NFASC: variants seen among roughly 807,000 people sequenced by gnomAD.
NFASC encodes neurofascin.
In NFASC, 43 loss-of-function variants were observed where a neutral mutation model predicts 147.5. The ratio of observed to expected loss-of-function variants is 0.29; its 90% CI spans 0.23 to 0.38. NFASC has a LOEUF of 0.38. Ranked by LOEUF, NFASC falls within the 10% of genes least tolerant of loss-of-function variation. The pLI is 1.00. For missense variants in NFASC, 1,320 were observed against 1,689.0 expected (o/e 0.78, Z 3.83); for synonymous variants, 622 against 665.5 (o/e 0.93, Z 1.01).
At chr1:204,917,988 CAT>C (rs992915536) in intron 1 of NFASC, among the ~76,000 whole-genome samples, 32 of 152,278 alleles carry the variant, frequency 2.1e-4, no homozygotes, top group African/African-American at 7.0e-4. Flanking sequence ...TAACCTAAAA[CAT>C]ATGAAGGACA....
chr1:204,848,201 T>C (rs1442874668), intron 1 of NFASC, among the ~76,000 whole-genome samples: 1 of 152,162 alleles, frequency 6.6e-6, no homozygotes, highest in Admixed American at 6.5e-5. Flanking sequence ...GCCCAGTGAG[T>C]TAGATGCAGT....
intron 20 of NFASC, 119 bp downstream of exon 20, chr1:204,980,559 C>A: frequency 1.3e-6 from 1 of 748,674 alleles, no homozygotes; most frequent in South Asian, 1.8e-5. Flanking sequence ...TCTGGCTGGT[C>A]TTGGTGGCCA....
intron 1 of NFASC, among the ~76,000 whole-genome samples, chr1:204,845,385 G>A (rs1676704594): frequency 6.6e-6 from 1 of 151,150 alleles, no homozygotes; most frequent in Non-Finnish European, 1.5e-5. Flanking sequence ...TTGAACCTGG[G>A]AGGCGGAGGT....
chr1:204,994,985 G>T lies in NFASC; in HGVS notation c.2783-2185G>T, dbSNP rs368931056. Among the ~76,000 whole-genome samples, 65 of 152,094 alleles carry T rather than the reference G, an allele frequency of 4.3e-4. 1 individual carries two copies. Among genetic ancestry groups the T allele is most frequent in the African/African-American group, 1.6e-3 (65 of 41,480 alleles). ...CAAATTAGCCAAGCATGGTGGACCT[G>T]TAGCTGGACCTATAGTCCCAGCTAC... On this transcript the variant is annotated intron_variant, in intron 24 of 29. Coordinates refer to ENST00000339876, the MANE Select transcript of NFASC (RefSeq NM_001005388.3).
At chr1:204,965,341 C>T (rs2094886792) in intron 8 of NFASC, among the ~76,000 whole-genome samples, 1 of 152,124 alleles carries the variant, frequency 6.6e-6, no homozygotes, top group African/African-American at 2.4e-5. Flanking sequence ...AATTAGGCAC[C>T]CTCTTTGAGA....
At chr1:204,848,707 T>A (rs2075391934) in intron 1 of NFASC, among the ~76,000 whole-genome samples, 1 of 152,254 alleles carries the variant, frequency 6.6e-6, no homozygotes, top group South Asian at 2.1e-4. Flanking sequence ...CTGTTGGTCT[T>A]CTAATTTGAG....
At chr1:204,836,757 A>G (rs1468300167) in intron 1 of NFASC, among the ~76,000 whole-genome samples, 1 of 152,274 alleles carries the variant, frequency 6.6e-6, no homozygotes, top group Non-Finnish European at 1.5e-5. Flanking sequence ...AGGTCAGGGC[A>G]GAAACTGGAT....
At chr1:205,001,801 C>T (rs2095993610) in intron 26 of NFASC, among the ~76,000 whole-genome samples, 1 of 152,154 alleles carries the variant, frequency 6.6e-6, no homozygotes, top group South Asian at 2.1e-4. Context: ...AGCTTGGGAC[C>T]AAGGGTACAG....
chr1:204,939,916 A>G lies in NFASC; in HGVS notation c.-90-4310A>G, dbSNP rs191462861. On this transcript the variant is annotated intron_variant, in intron 2 of 29. Coordinates refer to ENST00000339876, the MANE Select transcript of NFASC (RefSeq NM_001005388.3). ...AGTACTAGAACTCTCATACTCAGAA[A>G]GATGGTGGATTCATTCCTTCCTTTG... Among the ~76,000 whole-genome samples, 16 of 152,374 alleles carry G rather than the reference A, an allele frequency of 1.1e-4. No homozygotes were observed. The East Asian group carries it at 3.1e-3, about 29-fold the overall frequency.
chr1:204,927,486 G>C (rs112148279), intron 2 of NFASC, among the ~76,000 whole-genome samples: 1,765 of 152,224 alleles, frequency 0.012, 35 homozygotes, highest in African/African-American at 0.03. Flanking sequence ...CATACTGTAG[G>C]TCTGTGTTTG....
chr1:204,855,362 G>A (rs1355960053), intron 1 of NFASC, among the ~76,000 whole-genome samples: 1 of 152,242 alleles, frequency 6.6e-6, no homozygotes, highest in Admixed American at 6.5e-5. Flanking sequence ...CTGTTGACTG[G>A]AGTCATTGGG....
At chr1:204,863,946 AAG>A (rs2076904892) in intron 1 of NFASC, among the ~76,000 whole-genome samples, 2 of 150,960 alleles carry the variant, frequency 1.3e-5, no homozygotes, top group South Asian at 4.2e-4. Context: ...GAGAGAGAGA[AAG>A]AGAGAAAGAA....
At chr1:204,907,623 A>G (rs906156014) in intron 1 of NFASC, among the ~76,000 whole-genome samples, 8 of 152,204 alleles carry the variant, frequency 5.3e-5, no homozygotes, top group African/African-American at 9.7e-5. Flanking sequence ...CTAATTGATG[A>G]GAGTGCTTAC....
intron 17 of NFASC, 120 bp downstream of exon 17, chr1:204,977,845 TC>T: frequency 1.2e-6 from 1 of 835,648 alleles, no homozygotes; most frequent in Non-Finnish European, 1.9e-6. Context: ...TGGGCAGCAC[TC>T]CTGGCTACAT....
chr1:204,871,545 C>T (rs1255504473), intron 1 of NFASC, among the ~76,000 whole-genome samples: 1 of 152,152 alleles, frequency 6.6e-6, no homozygotes, highest in Non-Finnish European at 1.5e-5. Flanking sequence ...TCTCCTGTTC[C>T]CTCGTTTGGC....
At chr1:204,891,093 AG>A (rs1295962811) in intron 1 of NFASC, among the ~76,000 whole-genome samples, 1 of 152,226 alleles carries the variant, frequency 6.6e-6, no homozygotes, top group Non-Finnish European at 1.5e-5. Context: ...TAGAATGTAA[AG>A]GTCTCTTCCC....
chr1:204,958,199 G>A (rs2150070610), intron 8 of NFASC, among the ~76,000 whole-genome samples: 1 of 152,272 alleles, frequency 6.6e-6, no homozygotes, highest in East Asian at 1.9e-4. Context: ...ACTGCTTCCA[G>A]TGGTCATCTA....
In NFASC at chr1:204,828,794, C is replaced by G. The variant is rs951213744; in HGVS notation, c.-200+12C>G. On this transcript the variant is annotated intron_variant, in intron 1 of 29. Coordinates refer to ENST00000339876, the MANE Select transcript of NFASC (RefSeq NM_001005388.3). ...CCGAGCCCTTGGAGGTAGGCGAGCG[C>G]GAACACCGGAGAGATGGGGGTAGAG... The G allele has an allele frequency of 2.0e-6, 2 of 985,174 alleles. No individual in the cohort carries two copies. The highest frequency in any genetic ancestry group is 1.8e-5 in the African/African-American group (1 of 57,138). 61.0% of individuals were successfully genotyped at this position (985,174 alleles called of 1,614,324 possible). A position where few individuals can be genotyped will look rare whatever the true frequency, so the allele number is the denominator to read the frequency against.
At chr1:204,831,344 T>C (rs1316881082) in intron 1 of NFASC, among the ~76,000 whole-genome samples, 1 of 150,518 alleles carries the variant, frequency 6.6e-6, no homozygotes, top group East Asian at 2.0e-4. Context: ...CCCTGTGGGC[T>C]GAACTGGCTG....
Sources: allele counts gnomAD v4.1 joint callset (sites outside exome capture counted in the v4.1 genomes callset), GRCh38; gene constraint gnomAD v4.1.1; transcripts MANE v1.5; gene names NCBI Gene and HGNC (gene_info 2026-07-23, HGNC 2026-07-21).